MDGA2: variants seen among roughly 807,000 people sequenced by gnomAD.
The protein encoded by MDGA2 is MAM domain containing glycosylphosphatidylinositol anchor 2.
In MDGA2, 40 loss-of-function variants were observed where a neutral mutation model predicts 117.8. The ratio of observed to expected loss-of-function variants is 0.34; its 90% CI spans 0.26 to 0.44. MDGA2 has a LOEUF of 0.44. Among genes scored for constraint, MDGA2 ranks in the 20% least tolerant of loss-of-function variants. The pLI is 1.00. For missense variants in MDGA2, 1,123 were observed against 1,250.6 expected (o/e 0.90, Z 1.54); for synonymous variants, 452 against 439.0 (o/e 1.03, Z -0.37).
At chr14:47,098,318 T>G (rs1196441742) in intron 5 of MDGA2, among the ~76,000 whole-genome samples, 4 of 150,388 alleles carry the variant, frequency 2.7e-5, no homozygotes, top group Non-Finnish European at 5.9e-5. Flanking sequence ...ATTACAGTTC[T>G]ATGGGAAAGA....
At chr14:47,526,454 G>A (rs991860086) in intron 1 of MDGA2, among the ~76,000 whole-genome samples, 5 of 152,070 alleles carry the variant, frequency 3.3e-5, no homozygotes, top group Non-Finnish European at 5.9e-5. Flanking sequence ...TTGGATCATA[G>A]TACTTTTGGG....
chr14:47,012,717 G>A (rs533485022), intron 8 of MDGA2, among the ~76,000 whole-genome samples: 1 of 151,926 alleles, frequency 6.6e-6, no homozygotes. Context: ...ATTTCAGTGG[G>A]AAGTTTCAGT....
intron 11 of MDGA2, 135 bp from the exon 12 acceptor site, chr14:46,877,644 T>C (rs1015007231): frequency 1.9e-5 from 10 of 538,368 alleles, no homozygotes; most frequent in South Asian, 6.4e-5. Context: ...ACTGTGGCCA[T>C]TGAGATTTAT....
chr14:47,202,853 A>T (rs1885558762), intron 3 of MDGA2, among the ~76,000 whole-genome samples: 2 of 152,124 alleles, frequency 1.3e-5, no homozygotes, highest in Non-Finnish European at 2.9e-5. Context: ...ATAATACTGA[A>T]TACATACTTG....
intron 3 of MDGA2, among the ~76,000 whole-genome samples, chr14:47,178,764 A>T (rs938253312): frequency 2.0e-5 from 3 of 152,146 alleles, no homozygotes; most frequent in African/African-American, 7.2e-5. Context: ...CAAGCTATTC[A>T]AATGTATATA....
intron 6 of MDGA2, among the ~76,000 whole-genome samples, chr14:47,077,778 C>T (rs1004653978): frequency 2.6e-5 from 4 of 151,550 alleles, no homozygotes; most frequent in African/African-American, 4.8e-5. Context: ...GTAAACATTA[C>T]GGCAACCAAA....
chr14:47,569,041 G>A lies in MDGA2; in HGVS notation c.280+105476C>T, dbSNP rs187122514. On this transcript the variant is annotated intron_variant, in intron 1 of 16. Coordinates refer to ENST00000399232, the MANE Select transcript of MDGA2 (RefSeq NM_001113498.3). ...TTATTGTCATTTTTGATATAAAATC[G>A]GCTGATTACTGAAATAAATAATATA... is the stretch of plus-strand genomic sequence containing the variant. Among the ~76,000 whole-genome samples, 83 of 151,078 alleles carry A rather than the reference G, an allele frequency of 5.5e-4. No homozygotes were observed. The East Asian group carries it at 8.9e-3, about 16-fold the overall frequency.
chr14:47,147,893 AC>A (rs1302670319), intron 3 of MDGA2, among the ~76,000 whole-genome samples: 3 of 152,148 alleles, frequency 2.0e-5, no homozygotes, highest in Non-Finnish European at 4.4e-5. Context: ...TAGGTAGCTT[AC>A]CTAGTTGCAT....
chr14:47,440,033 G>A (rs1262071712), intron 1 of MDGA2, among the ~76,000 whole-genome samples: 1 of 151,808 alleles, frequency 6.6e-6, no homozygotes, highest in African/African-American at 2.4e-5. Flanking sequence ...TCTCTTGCTA[G>A]TGCCAAGATT....
At chr14:47,310,499 G>A (rs1009813691) in intron 1 of MDGA2, among the ~76,000 whole-genome samples, 1 of 151,972 alleles carries the variant, frequency 6.6e-6, no homozygotes, top group Admixed American at 6.6e-5. Context: ...TTGCTCAAAC[G>A]ACTTGTATAA....
At chr14:47,399,273 C>T (rs754668758) in intron 1 of MDGA2, among the ~76,000 whole-genome samples, 4 of 151,980 alleles carry the variant, frequency 2.6e-5, no homozygotes, top group African/African-American at 7.3e-5. Flanking sequence ...AGGAACAGGA[C>T]GAGGAAGGGG....
At chr14:46,929,649 A>AAATT in intron 9 of MDGA2, among the ~76,000 whole-genome samples, 1 of 13,704 alleles carries the variant, frequency 7.3e-5, no homozygotes, top group Non-Finnish European at 1.4e-4. Context: ...ATATATATAC[A>AAATT]TTTTTTTTTT....
chr14:47,572,318 C>A (rs1397632352), intron 1 of MDGA2, among the ~76,000 whole-genome samples: 1 of 152,158 alleles, frequency 6.6e-6, no homozygotes, highest in Non-Finnish European at 1.5e-5. Flanking sequence ...TGTCCCCACA[C>A]AAACTTTATC....
chr14:47,071,970 C>G (rs887431809), intron 6 of MDGA2, among the ~76,000 whole-genome samples: 3 of 151,856 alleles, frequency 2.0e-5, no homozygotes, highest in African/African-American at 7.3e-5. Flanking sequence ...GAGTCTGTCA[C>G]CATCGTATAG....
intron 1 of MDGA2, among the ~76,000 whole-genome samples, chr14:47,357,128 C>A (rs1025365870): frequency 2.6e-5 from 4 of 152,180 alleles, no homozygotes; most frequent in African/African-American, 9.7e-5. Context: ...CCACAACTTG[C>A]AGTGGATTAC....
At chr14:47,445,961 C>A (rs1283498120) in intron 1 of MDGA2, among the ~76,000 whole-genome samples, 1 of 152,068 alleles carries the variant, frequency 6.6e-6, no homozygotes, top group African/African-American at 2.4e-5. Flanking sequence ...ATTTCCATAA[C>A]TCTTGTAGGG....
chr14:47,141,194 C>T lies in MDGA2; in HGVS notation c.792+2884G>A, dbSNP rs564861467. On this transcript the variant is annotated intron_variant, in intron 4 of 16. Transcript: ENST00000399232. ...AAGAGGAACACTTATACACTGTTGG[C>T]GGGAATGCAAATTAGTACAGCCATT... is the stretch of plus-strand genomic sequence containing the variant. Among the ~76,000 whole-genome samples the T allele has an allele frequency of 3.5e-4, 53 of 152,004 alleles. 1 individual carries two copies. Among genetic ancestry groups the T allele is most frequent in the South Asian group, 1.5e-3 (7 of 4,820 alleles).
intron 5 of MDGA2, 22 bp downstream of exon 5, chr14:47,131,692 A>G (rs1391192682): frequency 6.8e-7 from 1 of 1,475,582 alleles, no homozygotes; most frequent in Admixed American, 1.9e-5. Flanking sequence ...GATACATGTA[A>G]CATACAGAGA....
intron 1 of MDGA2, among the ~76,000 whole-genome samples, chr14:47,335,791 A>C (rs111888340): frequency 0.036 from 4,249 of 117,310 alleles, 261 homozygotes; most frequent in African/African-American, 0.13. Context: ...TGTTGAAAAT[A>C]CACTAAAGAG....
Sources: allele counts gnomAD v4.1 joint callset (sites outside exome capture counted in the v4.1 genomes callset), GRCh38; gene constraint gnomAD v4.1.1; transcripts MANE v1.5; gene names NCBI Gene and HGNC (gene_info 2026-07-23, HGNC 2026-07-21).